The following CCDC24 variants were observed in gnomAD, a reference collection of about 807,000 sequenced individuals.
The protein encoded by CCDC24 is coiled-coil domain containing 24.
A neutral mutation model predicts 31.6 loss-of-function variants in CCDC24; 34 were observed. The observed-to-expected ratio is 1.08, with a 90% confidence interval of 0.82 to 1.43. CCDC24 has a LOEUF of 1.43. CCDC24 is among the 40% of genes most tolerant of loss of function. The pLI is 0.00. For missense variants in CCDC24, 426 were observed against 391.1 expected, an observed-to-expected ratio of 1.09 and a Z score of -0.75; for synonymous variants, 175 against 157.3, an observed-to-expected ratio of 1.11 and a Z score of -0.84.
Position 43,995,206 on chromosome 1 carries a change from CG to C in CCDC24, c.552+45del. The C allele has an allele frequency of 6.5e-7, 1 of 1,535,318 alleles. No individual in the cohort carries two copies. Among genetic ancestry groups the C allele is most frequent in the Non-Finnish European group, 8.8e-7 (1 of 1,137,044 alleles). On this transcript the variant is annotated intron_variant, in intron 6 of 8. Coordinates refer to ENST00000372318, the MANE Select transcript of CCDC24 (RefSeq NM_152499.4). This position sits in a 1 kb window ranked among gnomAD's most constrained non-coding sequence, Gnocchi z 4.3. ...CCCTCCCCCGAGCCTCACTGCTGAG[CG>C]TAGACTCTCACCTGGGTGAGACCCA...
intron 5 of CCDC24, chr1:43,994,231 G>T: frequency 2.3e-6 from 1 of 442,880 alleles, no homozygotes. Flanking sequence ...GGGTCATTTG[G>T]GCCCAGGAAT....
In CCDC24 at chr1:43,991,649, G is replaced by C; in HGVS notation, c.-130G>C. The C allele has an allele frequency of 1.4e-6, 1 of 713,050 alleles. No homozygotes were observed. Among genetic ancestry groups the C allele is most frequent in the African/African-American group, 1.7e-5 (1 of 57,598 alleles). The allele number at this position is 713,050 out of a possible 1,614,324, so 44.2% of individuals were successfully genotyped here. On this transcript the variant is annotated 5_prime_UTR_variant, in exon 1 of 9. Transcript: ENST00000372318. ...CCACTGCCTGGTTTCTGGGCCCCCG[G>C]CATCCGAGTCGGCCAAAAGCCGGGC...
rs1421242275 is a variant in CCDC24 at position 43,995,171 on chromosome 1, C to T, written c.552+9C>T. 6.4e-7 allele frequency: 1 copy of T among 1,562,006 alleles called. No individual in the cohort carries two copies. The highest frequency in any genetic ancestry group is 1.2e-5 in the South Asian group (1 of 84,932). On this transcript the variant is annotated intron_variant, in intron 6 of 8. Coordinates refer to ENST00000372318, the MANE Select transcript of CCDC24 (RefSeq NM_152499.4). This position sits in a 1 kb window ranked among gnomAD's most constrained non-coding sequence, Gnocchi z 4.3. Reference sequence around the variant, plus strand: ...AGATCCTCATCCTGCAGGTGAGCCGCAGCCCTGGGCCCTCCCCCGAGCCTC... The same window carrying T: ...AGATCCTCATCCTGCAGGTGAGCCGTAGCCCTGGGCCCTCCCCCGAGCCTC...
rs569179016 is a variant in CCDC24 at position 43,991,645 on chromosome 1, C to G, written c.-134C>G. 5 of 711,692 alleles carry G rather than the reference C, an allele frequency of 7.0e-6. No individual in the cohort carries two copies. The highest frequency in any genetic ancestry group is 1.7e-5 in the African/African-American group (1 of 57,536). 44.1% of individuals were successfully genotyped at this position (711,692 alleles called of 1,614,324 possible). A position where few individuals can be genotyped will look rare whatever the true frequency, so the allele number is the denominator to read the frequency against. On this transcript the variant is annotated 5_prime_UTR_variant, in exon 1 of 9. Coordinates refer to ENST00000372318, the MANE Select transcript of CCDC24 (RefSeq NM_152499.4). The stretch of plus-strand genomic sequence containing the variant: ...GTTCCCACTGCCTGGTTTCTGGGCC[C>G]CCGGCATCCGAGTCGGCCAAAAGCC...
chr1:43,992,044 C>T (rs202176299), intron 2 of CCDC24, 40 bp downstream of exon 2: 40 of 1,455,974 alleles, frequency 2.7e-5, no homozygotes, highest in Non-Finnish European at 3.5e-5. Context: ...TGGCCTGCCC[C>T]ACGACTCGGG....
chr1:43,992,264 G>C lies in CCDC24; in HGVS notation c.179G>C (p.Ser60Thr), dbSNP rs752652126. 3.7e-6 allele frequency: 6 copies of C among 1,613,902 alleles called. No individual in the cohort carries two copies. Among genetic ancestry groups the C allele is most frequent in the Middle Eastern group, 1.6e-4 (1 of 6,084 alleles). ...LQEARSSQAP[S>T]SRPISDPSSL... ...GAGGCTCGATCCTCTCAAGCCCCCA[G>C]CTCCCGCCCCATCTCTGACCCCTCT... Residue 60 changes from serine to threonine, a missense_variant, in exon 3 of 9, where the codon AGC (serine) becomes ACC (threonine). Physicochemically the swap from Ser to Thr is moderately conservative, Grantham distance 58. Transcript: ENST00000372318.
rs1483252169 is a variant in CCDC24, at chr1:43,996,313, C to T, written c.*153C>T. 39 of 679,720 alleles carry T rather than the reference C, an allele frequency of 5.7e-5. No individual in the cohort carries two copies. The highest frequency in any genetic ancestry group is 3.1e-4 in the South Asian group (15 of 48,750). 42.1% of individuals were successfully genotyped at this position (679,720 alleles called of 1,614,324 possible). On this transcript the variant is annotated 3_prime_UTR_variant, in exon 9 of 9. Transcript: ENST00000372318. ...GTTGGTCTGTCTGGCCCTTGCCCCA[C>T]CCCCTTGCCAGATCCCTGGTGTCTG... is the stretch of plus-strand genomic sequence containing the variant.
At chr1:43,993,368 C>G (rs975981421) in intron 4 of CCDC24, among the ~76,000 whole-genome samples, 5 of 151,638 alleles carry the variant, frequency 3.3e-5, no homozygotes, top group African/African-American at 1.2e-4. Flanking sequence ...TGCTTGAGCT[C>G]AGGAATTCGG....
rs1358736150 is a variant in CCDC24 at position 43,991,851 on chromosome 1, G to C, written c.-28G>C. On this transcript the variant is annotated 5_prime_UTR_variant, in exon 2 of 9. Coordinates refer to ENST00000372318, the MANE Select transcript of CCDC24 (RefSeq NM_152499.4). ...ACTCTGACCTGCGGCCCGTAGGTCC[G>C]AGCCGGGGACGGCGGCGTCGGTGGG... The C allele has an allele frequency of 1.3e-6, 2 of 1,548,096 alleles. No homozygotes were observed. Among genetic ancestry groups the C allele is most frequent in the East Asian group, 2.4e-5 (1 of 40,976 alleles).
Position 43,995,481 on chromosome 1 carries a change from G to C in CCDC24, c.553-120G>C. On this transcript the variant is annotated intron_variant, in intron 6 of 8. Coordinates refer to ENST00000372318, the MANE Select transcript of CCDC24 (RefSeq NM_152499.4). This position sits in a 1 kb window ranked among gnomAD's most constrained non-coding sequence, Gnocchi z 4.3. ...CTGGTATTCCCTGGGGAACGTGGCT[G>C]CCCTCACGGTGGATGGGCTGAAGGG... 1.8e-6 allele frequency: 2 copies of C among 1,096,322 alleles called. No individual in the cohort carries two copies. Among genetic ancestry groups the C allele is most frequent in the Non-Finnish European group, 2.6e-6 (2 of 775,868 alleles). 67.9% of individuals were successfully genotyped at this position (1,096,322 alleles called of 1,614,324 possible). A position where few individuals can be genotyped will look rare whatever the true frequency, so the allele number is the denominator to read the frequency against.
intron 4 of CCDC24, among the ~76,000 whole-genome samples, chr1:43,993,646 C>CA (rs57838666): frequency 0.046 from 2,826 of 61,962 alleles, 56 homozygotes; most frequent in East Asian, 0.091. Context: ...AATCTTGTCT[C>CA]AAAAAAAAAA....
chr1:43,991,765 C>CG lies in CCDC24; in HGVS notation c.-33+23dup, dbSNP rs2085747525. ...AGCACGGGTGGGGCTTGGGAGAGGG[C>CG]GGGGCCCATAGAGGGGCGGGGTTTG... On this transcript the variant is annotated intron_variant, in intron 1 of 8. Transcript: ENST00000372318. 1.9e-5 allele frequency: 26 copies of CG among 1,350,894 alleles called. No homozygotes were observed. In the East Asian group the frequency reaches 6.5e-4, roughly 34 times the overall value. The allele number at this position is 1,350,894 out of a possible 1,614,324, so 83.7% of individuals were successfully genotyped here. A position where few individuals can be genotyped will look rare whatever the true frequency, so the allele number is the denominator to read the frequency against.
Position 43,996,199 on chromosome 1 carries a change from C to G in CCDC24, c.*39C>G. 1 of 1,476,654 alleles carries G rather than the reference C, an allele frequency of 6.8e-7. No individual in the cohort carries two copies. The highest frequency in any genetic ancestry group is 9.1e-7 in the Non-Finnish European group (1 of 1,104,686). 91.5% of individuals were successfully genotyped at this position (1,476,654 alleles called of 1,614,324 possible). A position where few individuals can be genotyped will look rare whatever the true frequency, so the allele number is the denominator to read the frequency against. ...GAGTAGGCTCTGGCTTCTGCCACAGCGCACCTGTCTGCCGCTGCCGCCTCA... is the reference window on the plus strand; with the variant it reads ...GAGTAGGCTCTGGCTTCTGCCACAGGGCACCTGTCTGCCGCTGCCGCCTCA... On this transcript the variant is annotated 3_prime_UTR_variant, in exon 9 of 9. Transcript: ENST00000372318.
chr1:43,992,179 C>A, intron 2 of CCDC24, 33 bp from the exon 3 acceptor site: 1 of 1,591,040 alleles, frequency 6.3e-7, no homozygotes, highest in South Asian at 1.1e-5. Flanking sequence ...CACTCCCCTC[C>A]CCAGTCGCAA....
Position 43,992,685 on chromosome 1 carries a change from G to A in CCDC24, c.419+46G>A, listed in dbSNP as rs551341617. The A allele has an allele frequency of 1.6e-5, 26 of 1,580,720 alleles. No individual in the cohort carries two copies. The Admixed American group carries it at 2.8e-4, about 17-fold the overall frequency. On this transcript the variant is annotated intron_variant, in intron 4 of 8. Transcript: ENST00000372318. ...AGGGATCTGTCCCTGCTTGGCAGAG[G>A]GCCCTAGCCCACTGGTGGGTTGCAC...
chr1:43,996,071 C>A lies in CCDC24; in HGVS notation c.835C>A (p.His279Asn). 3 of 1,614,118 alleles carry A rather than the reference C, an allele frequency of 1.9e-6. No individual in the cohort carries two copies. The highest frequency in any genetic ancestry group is 3.3e-5 in the Admixed American group (2 of 60,026). The change falls in exon 9 of 9, where the codon CAC (histidine) becomes AAC (asparagine). Residue 279 changes from histidine (H) to asparagine (N), a missense_variant. His to Asn is a moderately conservative substitution (Grantham distance 68). Coordinates refer to ENST00000372318, the MANE Select transcript of CCDC24 (RefSeq NM_152499.4). Reference sequence around the variant, plus strand: ...TCGACCTCGAGGCCAGTCGGCTACCCACCGCTGGGGACGGCAGCTTCAGTG... The same window carrying A: ...TCGACCTCGAGGCCAGTCGGCTACCAACCGCTGGGGACGGCAGCTTCAGTG... ...YLRPRGQSAT[H>N]RWGRQLQCSP...
chr1:43,993,804 A>G (rs1302479377), intron 4 of CCDC24, 83 bp from the exon 5 acceptor site: 3 of 1,324,444 alleles, frequency 2.3e-6, no homozygotes. Context: ...GTGAGAAAAG[A>G]AACAGTTGCC....
chr1:43,996,275 G>A lies in CCDC24; in HGVS notation c.*115G>A. 8.2e-6 allele frequency: 8 copies of A among 971,328 alleles called. No individual in the cohort carries two copies. The highest frequency in any genetic ancestry group is 1.0e-5 in the Non-Finnish European group (7 of 672,774). 60.2% of individuals were successfully genotyped at this position (971,328 alleles called of 1,614,324 possible). A position where few individuals can be genotyped will look rare whatever the true frequency, so the allele number is the denominator to read the frequency against. On this transcript the variant is annotated 3_prime_UTR_variant, in exon 9 of 9. Coordinates refer to ENST00000372318, the MANE Select transcript of CCDC24 (RefSeq NM_152499.4). ...ATCTGGTCTTGGCGAGCTCTCGCCA[G>A]GACCCCAAGGCTGTTGGTCTGTCTG... is the stretch of plus-strand genomic sequence containing the variant.
chr1:43,991,862 G>T lies in CCDC24; in HGVS notation c.-17G>T, dbSNP rs745825287. On this transcript the variant is annotated 5_prime_UTR_variant, in exon 2 of 9. Transcript: ENST00000372318. ...CGGCCCGTAGGTCCGAGCCGGGGAC[G>T]GCGGCGTCGGTGGGTCATGCTCCGG... The T allele has an allele frequency of 2.6e-6, 4 of 1,549,734 alleles. No individual in the cohort carries two copies. The East Asian group carries it at 9.7e-5, about 38-fold the overall frequency.
Sources: allele counts gnomAD v4.1 joint callset (sites outside exome capture counted in the v4.1 genomes callset), GRCh38; gene constraint gnomAD v4.1.1; non-coding constraint Gnocchi (gnomAD v3.1); transcripts MANE v1.5; gene names NCBI Gene and HGNC (gene_info 2026-07-23, HGNC 2026-07-21).